The following UBR1 variants were observed in gnomAD, a reference collection of about 807,000 sequenced individuals.
UBR1 encodes the protein E3 ubiquitin-protein ligase UBR1.
In UBR1, 102 loss-of-function variants were observed where a neutral mutation model predicts 242.1. The ratio of observed to expected loss-of-function variants is 0.42; its 90% CI spans 0.36 to 0.50. The LOEUF (loss-of-function observed/expected upper bound fraction) is 0.50, where lower values mean the gene tolerates loss of function less well. Ranked by LOEUF, UBR1 falls within the 20% of genes least tolerant of loss-of-function variation. The probability of loss-of-function intolerance (pLI) is 0.01; values close to 1 mark genes in which losing one functional copy is unlikely to be tolerated. For synonymous variants in UBR1, 675 were observed against 684.8 expected (o/e 0.99, Z 0.22); for missense variants, 1,772 against 2,101.8 (o/e 0.84, Z 3.07).
chr15:43,041,570 A>G (rs1290873868), intron 15 of UBR1, among the ~76,000 whole-genome samples: 2 of 152,152 alleles, frequency 1.3e-5, no homozygotes, highest in Non-Finnish European at 2.9e-5. Flanking sequence ...GTGCACCTGT[A>G]CCCTAGAACT....
chr15:42,968,763 C>T (rs557015917), intron 40 of UBR1, among the ~76,000 whole-genome samples: 6 of 152,140 alleles, frequency 3.9e-5, no homozygotes, highest in Admixed American at 6.5e-5. Flanking sequence ...TGAGAACATG[C>T]GGCATTTGGC....
At position 43,002,776 on chromosome 15, in the gene UBR1, C is replaced by G. The variant is rs908903944; in HGVS notation, c.3510-72G>C. On this transcript the variant is annotated intron_variant, in intron 31 of 46. Coordinates refer to ENST00000290650, the MANE Select transcript of UBR1 (RefSeq NM_174916.3). ...CTCTACATGTGTATCTCTACTTGCTCTAATCCAAGTTTTAAAAATCTGGAA... is the reference window on the plus strand; with the variant it reads ...CTCTACATGTGTATCTCTACTTGCTGTAATCCAAGTTTTAAAAATCTGGAA... The G allele has an allele frequency of 6.2e-5, 99 of 1,600,340 alleles. No homozygotes were observed. The African/African-American group carries it at 1.2e-3, about 19-fold the overall frequency.
chr15:42,983,756 G>A (rs1261609028), intron 37 of UBR1, 141 bp downstream of exon 37: 2 of 378,736 alleles, frequency 5.3e-6, no homozygotes, highest in Non-Finnish European at 9.2e-6. Context: ...CATGGCTTCT[G>A]TAGGTGGTAA....
intron 44 of UBR1, among the ~76,000 whole-genome samples, chr15:42,952,867 T>C (rs1175295035): frequency 6.6e-6 from 1 of 152,002 alleles, no homozygotes; most frequent in Non-Finnish European, 1.5e-5. Context: ...TGCAATTGTT[T>C]AAAAGAAAAA....
chr15:42,994,260 T>C (rs937175738), intron 33 of UBR1, among the ~76,000 whole-genome samples: 1 of 151,726 alleles, frequency 6.6e-6, no homozygotes, highest in Non-Finnish European at 1.5e-5. Flanking sequence ...TAATAATCCA[T>C]GGAAAGGCCA....
chr15:43,074,914 T>C, intron 4 of UBR1, 65 bp downstream of exon 4: 1 of 1,304,046 alleles, frequency 7.7e-7, no homozygotes, highest in Non-Finnish European at 1.1e-6. Flanking sequence ...CACATAACAT[T>C]TATTCTTATC....
At chr15:43,014,875 G>A (rs1374711176) in intron 29 of UBR1, among the ~76,000 whole-genome samples, 2 of 150,366 alleles carry the variant, frequency 1.3e-5, no homozygotes, top group South Asian at 2.1e-4. Flanking sequence ...CGTCCCAGAG[G>A]GAGGTGGGGG....
chr15:42,945,976 C>T (rs1323085068), intron 46 of UBR1, among the ~76,000 whole-genome samples: 1 of 152,130 alleles, frequency 6.6e-6, no homozygotes, highest in Non-Finnish European at 1.5e-5. Context: ...AATAATTATA[C>T]TTCAATTCTA....
chr15:42,979,319 A>G (rs1040252730), intron 37 of UBR1, among the ~76,000 whole-genome samples: 1 of 151,540 alleles, frequency 6.6e-6, no homozygotes, highest in East Asian at 1.9e-4. Flanking sequence ...GATTACAAGC[A>G]TGAGTCACCA....
At position 43,041,803 on chromosome 15, in the gene UBR1, T is replaced by C. The variant is rs144230430; in HGVS notation, c.1849+1412A>G. ...ACATATCTGATGAACACTTAATATC[T>C]AGAATTATATAAGTAACTCCAACTG... is the stretch of plus-strand genomic sequence containing the variant. On this transcript the variant is annotated intron_variant, in intron 15 of 46. Coordinates refer to ENST00000290650, the MANE Select transcript of UBR1 (RefSeq NM_174916.3). Among the ~76,000 whole-genome samples, 327 of 152,290 alleles carry C rather than the reference T, an allele frequency of 2.1e-3. 2 individuals are homozygous for C. Among genetic ancestry groups the C allele is most frequent in the African/African-American group, 7.4e-3 (308 of 41,566 alleles).
In UBR1 at chr15:42,988,900, A is replaced by C; in HGVS notation, c.3916T>G (p.Leu1306Val). Reference sequence around the variant, plus strand: ...TCCCTTTCATCAGGTGGCACTTTCAATCCAATTCTATAAATTGTTGTGGCA... The same window carrying C: ...TCCCTTTCATCAGGTGGCACTTTCACTCCAATTCTATAAATTGTTGTGGCA... ...LFATTIYRIG[L>V]KVPPDERDPR... Residue 1306 changes from leucine (L) to valine (V), a missense_variant, in exon 35 of 47, where the codon TTG (leucine) becomes GTG (valine). Physicochemically the swap from Leu to Val is conservative, Grantham distance 32. This residue lies in a region of UBR1 where 965 missense variants were observed against 1,079.7 expected (regional missense o/e 0.89). Transcript: ENST00000290650. 6.2e-7 allele frequency: 1 copy of C among 1,613,492 alleles called. No individual in the cohort carries two copies. Among genetic ancestry groups the C allele is most frequent in the Non-Finnish European group, 8.5e-7 (1 of 1,179,398 alleles).
At chr15:43,003,743 G>A (rs2032761514) in intron 31 of UBR1, 94 bp downstream of exon 31, 3 of 1,101,242 alleles carry the variant, frequency 2.7e-6, no homozygotes, top group African/African-American at 3.1e-5. Context: ...AAGAAGAAAG[G>A]AAAGAAGACA....
intron 28 of UBR1, among the ~76,000 whole-genome samples, chr15:43,016,269 T>C (rs2033022272): frequency 6.6e-6 from 1 of 152,198 alleles, no homozygotes; most frequent in South Asian, 2.1e-4. Flanking sequence ...TAACAATTTT[T>C]TTAACTTTAA....
chr15:43,021,463 C>T, intron 26 of UBR1, 88 bp from the exon 27 acceptor site: 2 of 1,154,208 alleles, frequency 1.7e-6, no homozygotes, highest in Non-Finnish European at 1.3e-6. Flanking sequence ...CCCCTGTGGA[C>T]ATCAAAGTCC....
intron 39 of UBR1, among the ~76,000 whole-genome samples, chr15:42,975,009 G>C (rs1005139206): frequency 6.6e-6 from 1 of 152,114 alleles, no homozygotes; most frequent in African/African-American, 2.4e-5. Context: ...CAATTCTCCT[G>C]CCTCAGCCTC....
intron 1 of UBR1, among the ~76,000 whole-genome samples, chr15:43,088,689 C>T (rs998729050): frequency 6.6e-6 from 1 of 151,740 alleles, no homozygotes; most frequent in Non-Finnish European, 1.5e-5. Flanking sequence ...TAAACATAGA[C>T]TAAGGGTCTG....
intron 42 of UBR1, 87 bp from the exon 43 acceptor site, chr15:42,960,788 A>G: frequency 7.4e-7 from 1 of 1,351,086 alleles, no homozygotes; most frequent in Non-Finnish European, 1.0e-6. Context: ...TTTTTTTTTG[A>G]GATGGATTCT....
At chr15:43,082,739 T>C (rs749830682) in intron 2 of UBR1, 23 bp from the exon 3 acceptor site, 1 of 1,600,762 alleles carries the variant, frequency 6.2e-7, no homozygotes, top group African/African-American at 1.3e-5. Context: ...AGAAATCAGA[T>C]TCCAAAATTT....
chr15:43,092,214 C>A, intron 1 of UBR1: 2 of 293,408 alleles, frequency 6.8e-6, no homozygotes, highest in East Asian at 1.1e-4. Context: ...TTATTTATCC[C>A]TCAAGGCCCA....
Sources: allele counts gnomAD v4.1 joint callset (sites outside exome capture counted in the v4.1 genomes callset), GRCh38; gene constraint gnomAD v4.1.1; regional missense constraint gnomAD v4.1.1; transcripts MANE v1.5; gene names NCBI Gene and HGNC (gene_info 2026-07-23, HGNC 2026-07-21).